CTNNA2: variants seen among roughly 807,000 people sequenced by gnomAD.
The protein encoded by CTNNA2 is catenin alpha 2.
CTNNA2 carries 42 observed loss-of-function variants against 101.0 expected under a neutral mutation model. The ratio of observed to expected loss-of-function variants is 0.42; its 90% CI spans 0.32 to 0.54. The LOEUF (loss-of-function observed/expected upper bound fraction) is 0.54. CTNNA2 is among the 20% of genes least tolerant of loss of function. CTNNA2 has a pLI of 0.14. For synonymous variants in CTNNA2, 450 were observed against 456.4 expected (o/e 0.99, Z 0.18); for missense variants, 871 against 1,223.1 (o/e 0.71, Z 4.29).
At chr2:79,511,290 T>A (rs1671533053), upstream of CTNNA2, among the ~76,000 whole-genome samples, 1 of 152,198 alleles carries the variant, frequency 6.6e-6, no homozygotes, top group African/African-American at 2.4e-5. Context: ...CAGGGACTTG[T>A]GATGCCTCTC....
intron 6 of CTNNA2, among the ~76,000 whole-genome samples, chr2:79,905,590 A>T (rs949071126): frequency 2.6e-5 from 4 of 152,082 alleles, no homozygotes; most frequent in African/African-American, 9.6e-5. Context: ...CAGGGAGGGG[A>T]ATCTGGCTCC....
At chr2:79,637,184 A>T (rs1680131270) in intron 1 of CTNNA2, among the ~76,000 whole-genome samples, 1 of 152,158 alleles carries the variant, frequency 6.6e-6, no homozygotes, top group Non-Finnish European at 1.5e-5. Flanking sequence ...TGAAGGATAT[A>T]TATATTTTTT....
chr2:79,541,956 C>T (rs1054711151), intron 1 of CTNNA2, among the ~76,000 whole-genome samples: 1 of 152,050 alleles, frequency 6.6e-6, no homozygotes, highest in Admixed American at 6.6e-5. Context: ...GAATGTGTGA[C>T]ATGGTGCTTG....
chr2:79,553,953 T>C (rs1394441157), intron 1 of CTNNA2, among the ~76,000 whole-genome samples: 3 of 152,220 alleles, frequency 2.0e-5, no homozygotes, highest in East Asian at 3.9e-4. Context: ...GGAGGCAGTT[T>C]TGCAACTCAG....
At chr2:80,644,670 T>A (rs916700646) in intron 18 of CTNNA2, among the ~76,000 whole-genome samples, 2 of 152,202 alleles carry the variant, frequency 1.3e-5, no homozygotes, top group Non-Finnish European at 2.9e-5. Context: ...CAACTTTTTT[T>A]AAAAGTCAAA....
intron 7 of CTNNA2, among the ~76,000 whole-genome samples, chr2:80,130,835 A>G (rs1702376616): frequency 6.6e-6 from 1 of 151,978 alleles, no homozygotes; most frequent in East Asian, 1.9e-4. Context: ...AAGCCCAGAT[A>G]AATAGGGGAT....
At chr2:79,378,921 A>G (rs918252137) in intron 4 of CTNNA2, among the ~76,000 whole-genome samples, 7 of 152,136 alleles carry the variant, frequency 4.6e-5, no homozygotes, top group African/African-American at 1.4e-4. Context: ...GGGAGGTCTG[A>G]TAAAGCATCC....
intron 6 of CTNNA2, among the ~76,000 whole-genome samples, chr2:79,900,102 A>G (rs1304734882): frequency 6.6e-6 from 1 of 152,202 alleles, no homozygotes; most frequent in Non-Finnish European, 1.5e-5. Flanking sequence ...CAGTCTTTAA[A>G]ATAAGTATTT....
rs902979757 is a variant in CTNNA2, at chr2:80,339,274, T to TA, written c.1057-53936dup. 1.1e-3 allele frequency among the ~76,000 whole-genome samples: 161 copies of TA among 152,268 alleles called. 1 individual carries two copies. Among genetic ancestry groups the TA allele is most frequent in the African/African-American group, 3.4e-3 (143 of 41,556 alleles). ...AGGAATAAAATATGTTATAGCCAGA[T>TA]AGTCATCACCAAACTATGATTTATA... On this transcript the variant is annotated intron_variant, in intron 7 of 18. Transcript: ENST00000402739.
chr2:80,574,894 AATATAT>A (rs1234286739), intron 13 of CTNNA2, among the ~76,000 whole-genome samples: 6 of 152,148 alleles, frequency 3.9e-5, no homozygotes, highest in Non-Finnish European at 5.9e-5. Flanking sequence ...CTAAATAATT[AATATAT>A]ATATTCACAG....
At chr2:80,389,469 C>T (rs572781803) in intron 7 of CTNNA2, among the ~76,000 whole-genome samples, 2 of 152,264 alleles carry the variant, frequency 1.3e-5, no homozygotes, top group South Asian at 4.2e-4. Flanking sequence ...TCTCCTCTTT[C>T]TCCCTCTCCG....
intron 6 of CTNNA2, among the ~76,000 whole-genome samples, chr2:79,905,870 T>G (rs71337758): frequency 0.054 from 8,271 of 152,272 alleles, 283 homozygotes; most frequent in African/African-American, 0.081. Flanking sequence ...TTCTTTTCAC[T>G]TTTTCATTCT....
At chr2:79,438,711 C>T (rs961750669) in intron 4 of CTNNA2, among the ~76,000 whole-genome samples, 3 of 152,138 alleles carry the variant, frequency 2.0e-5, no homozygotes, top group African/African-American at 7.2e-5. Flanking sequence ...TGAAACCTCA[C>T]CTAGGCCAGC....
At chr2:79,762,415 C>CT (rs1471900765) in intron 3 of CTNNA2, among the ~76,000 whole-genome samples, 1 of 152,090 alleles carries the variant, frequency 6.6e-6, no homozygotes, top group Non-Finnish European at 1.5e-5. Flanking sequence ...CCTCCTGGTT[C>CT]TTTCATTTCA....
chr2:80,096,863 A>G (rs967976016), intron 7 of CTNNA2, among the ~76,000 whole-genome samples: 1 of 151,756 alleles, frequency 6.6e-6, no homozygotes, highest in Admixed American at 6.6e-5. Flanking sequence ...TGCTTGGTTG[A>G]TTTTCGTCCA....
At chr2:79,555,264 G>A (rs778793541) in intron 1 of CTNNA2, among the ~76,000 whole-genome samples, 20 of 152,072 alleles carry the variant, frequency 1.3e-4, no homozygotes, top group Non-Finnish European at 2.4e-4. Context: ...ATTGAATAAG[G>A]CCATACACTG....
intron 18 of CTNNA2, among the ~76,000 whole-genome samples, chr2:80,643,421 C>G (rs1673703717): frequency 6.6e-6 from 1 of 152,146 alleles, no homozygotes; most frequent in African/African-American, 2.4e-5. Flanking sequence ...ACTCAGGGAA[C>G]TAGTTCAGAA....
intron 2 of CTNNA2, among the ~76,000 whole-genome samples, chr2:79,659,804 C>T (rs907437529): frequency 1.3e-5 from 2 of 152,096 alleles, no homozygotes; most frequent in Non-Finnish European, 2.9e-5. Flanking sequence ...CGAGACCAAC[C>T]TGGGAAAAAC....
At position 80,043,077 on chromosome 2, in the gene CTNNA2, T is replaced by C. The variant is rs60755995; in HGVS notation, c.1056+133280T>C. On this transcript the variant is annotated intron_variant, in intron 7 of 18. Coordinates refer to ENST00000402739, the MANE Select transcript of CTNNA2 (RefSeq NM_001282597.3). ...TTTCTTTCTTTCTTTCTTTCTTTCT[T>C]TCTTTCTTTCTTTCTTTCTCTCTCT... Among the ~76,000 whole-genome samples, 82 of 52,886 alleles carry C rather than the reference T, an allele frequency of 1.6e-3. 1 individual carries two copies. The highest frequency in any genetic ancestry group is 6.4e-3 in the East Asian group (16 of 2,506). The allele number at this position is 52,886 out of a possible 152,430, so 34.7% of individuals were successfully genotyped here.
Sources: gnomAD v4.1 joint callset for allele counts (sites outside exome capture counted in the v4.1 genomes callset) on GRCh38, gnomAD v4.1.1 for gene constraint, MANE v1.5 for transcripts, NCBI Gene and HGNC (gene_info 2026-07-23, HGNC 2026-07-21) for gene names.